The following WWC1 variants were observed in gnomAD, a reference collection of about 807,000 sequenced individuals.
The protein encoded by WWC1 is protein KIBRA.
Under a neutral mutation model 138.4 loss-of-function variants are expected in WWC1, and 55 were observed. The observed-to-expected ratio is 0.40, with a 90% CI of 0.32 to 0.50. WWC1 has a LOEUF of 0.50. Ranked by LOEUF, WWC1 falls within the 20% of genes least tolerant of loss-of-function variation. The pLI is 0.72. For synonymous variants in WWC1, 524 were observed against 564.9 expected, an observed-to-expected ratio of 0.93 and a Z score of 1.03; for missense variants, 1,226 against 1,420.4, an observed-to-expected ratio of 0.86 and a Z score of 2.20.
rs1195930830 is a variant in WWC1 at position 168,454,057 on chromosome 5, C to T, written c.2615C>T (p.Thr872Ile). 4.0e-5 allele frequency: 65 copies of T among 1,612,784 alleles called. No individual in the cohort carries two copies. Among genetic ancestry groups the T allele is most frequent in the Non-Finnish European group, 5.4e-5 (64 of 1,179,846 alleles). ...GAGGAGGGAGAAGAGGATGTTTTCA[C>T]CGAGAAAGCCTCACCTGATATGGAT... ...EEEEGEEDVF[T>I]EKASPDMDGY... Residue 872 changes from threonine to isoleucine, a missense_variant, in exon 18 of 23, where the codon ACC becomes ATC. Physicochemically the swap from Thr to Ile is moderately conservative, Grantham distance 89. Around this residue, in one of 3 missense-constraint regions of WWC1, gnomAD observed 1,016 missense variants for 1,153.9 expected, o/e 0.88. Coordinates refer to ENST00000265293, the MANE Select transcript of WWC1 (RefSeq NM_015238.3).
At position 168,452,849 on chromosome 5, in the gene WWC1, C is replaced by T. The variant is rs568566219; in HGVS notation, c.2526-1119C>T. ...CCGCCTCGTTCCAACGTTTGGAAGC[C>T]CTACCCTGGGTGCATTTAAAGGCAG... is the stretch of plus-strand genomic sequence containing the variant. On this transcript the variant is annotated intron_variant, in intron 17 of 22. Coordinates refer to ENST00000265293, the MANE Select transcript of WWC1 (RefSeq NM_015238.3). Among the ~76,000 whole-genome samples the T allele has an allele frequency of 4.6e-5, 7 of 152,206 alleles. No individual in the cohort carries two copies. The South Asian group carries it at 1.5e-3, about 32-fold the overall frequency.
rs540928932 is a variant in WWC1 at position 168,346,996 on chromosome 5, C to T, written c.120-24428C>T. On this transcript the variant is annotated intron_variant, in intron 1 of 22. Transcript: ENST00000265293. ...GAGCTGAGCAGGGGAGGAAATACAC[C>T]TGCAGCTGCTGTTTTCTGCAGGCAT... 1.2e-3 allele frequency among the ~76,000 whole-genome samples: 179 copies of T among 152,264 alleles called. 3 individuals carry two copies. Among genetic ancestry groups the T allele is most frequent in the Middle Eastern group, 3.4e-3 (1 of 294 alleles).
At chr5:168,345,456 T>C (rs775514186) in intron 1 of WWC1, among the ~76,000 whole-genome samples, 16 of 152,340 alleles carry the variant, frequency 1.1e-4, no homozygotes, top group Middle Eastern at 3.4e-3. Flanking sequence ...ATGGATTTTC[T>C]CCTTTTCAGT....
intron 1 of WWC1, among the ~76,000 whole-genome samples, chr5:168,336,286 C>A (rs935330504): frequency 2.0e-5 from 3 of 152,066 alleles, no homozygotes; most frequent in African/African-American, 7.2e-5. Context: ...AAAAACAATA[C>A]CCGGCCAGCC....
intron 3 of WWC1, among the ~76,000 whole-genome samples, chr5:168,395,371 T>C (rs930537451): frequency 6.6e-6 from 1 of 152,232 alleles, no homozygotes; most frequent in Non-Finnish European, 1.5e-5. Context: ...CACTGACGAC[T>C]CCTCTCTTCT....
chr5:168,453,947 CA>C lies in WWC1; in HGVS notation c.2526-18del, dbSNP rs1212391955. ...GCAGAGCGGCTTCTGGGTGGGTAACCAAAGTGCTTTGTCATCACAGGAGGTA... is the reference window on the plus strand; with the variant it reads ...GCAGAGCGGCTTCTGGGTGGGTAACCAAGTGCTTTGTCATCACAGGAGGTA... On this transcript the variant is annotated intron_variant, in intron 17 of 22. Coordinates refer to ENST00000265293, the MANE Select transcript of WWC1 (RefSeq NM_015238.3). The C allele has an allele frequency of 6.2e-7, 1 of 1,610,916 alleles. No homozygotes were observed.
rs1273531802 is a variant in WWC1 at position 168,409,998 on chromosome 5, A to G, written c.941+3A>G. 1.9e-6 allele frequency: 3 copies of G among 1,612,548 alleles called. No homozygotes were observed. Among genetic ancestry groups the G allele is most frequent in the Non-Finnish European group, 1.7e-6 (2 of 1,179,336 alleles). On this transcript the variant is annotated splice_donor_region_variant and intron_variant, in intron 8 of 22. Coordinates refer to ENST00000265293, the MANE Select transcript of WWC1 (RefSeq NM_015238.3). ...CGATATGAAGAGGCTAAGAGAAGGT[A>G]ATTGGGCTGGGGCTAGGGGCGGGAT...
intron 1 of WWC1, among the ~76,000 whole-genome samples, chr5:168,358,643 A>C (rs1405775942): frequency 6.6e-6 from 1 of 152,200 alleles, no homozygotes; most frequent in Non-Finnish European, 1.5e-5. Context: ...GGAGCTAATA[A>C]TACTGTGTAT....
chr5:168,407,846 T>C (rs1351867024), intron 6 of WWC1, among the ~76,000 whole-genome samples: 2 of 151,808 alleles, frequency 1.3e-5, no homozygotes, highest in Non-Finnish European at 2.9e-5. Flanking sequence ...CCCTGTGAGA[T>C]AGGACCTGCG....
Position 168,444,530 on chromosome 5 carries a change from G to A in WWC1, c.2470G>A (p.Glu824Lys). ...TGCTCTGTTGGAACAGACAGCAGTG[G>A]AGCTGGAGAAGAGGCAGGAGGGCAG... is the stretch of plus-strand genomic sequence containing the variant. ...VSALLEQTAV[E>K]LEKRQEGRSS... Residue 824 changes from glutamate (E) to lysine (K), a missense_variant, in exon 17 of 23, where the codon GAG becomes AAG. Coordinates refer to ENST00000265293, the MANE Select transcript of WWC1 (RefSeq NM_015238.3). 6.2e-7 allele frequency: 1 copy of A among 1,603,588 alleles called. No individual in the cohort carries two copies. The highest frequency in any genetic ancestry group is 1.1e-5 in the South Asian group (1 of 89,084).
chr5:168,444,432 T>C, intron 16 of WWC1, 62 bp from the exon 17 acceptor site: 1 of 1,489,780 alleles, frequency 6.7e-7, no homozygotes, highest in Non-Finnish European at 9.1e-7. Context: ...ATGCTCTGAT[T>C]CCTGGCAGGT....
chr5:168,300,087 G>A (rs996466319), intron 1 of WWC1, among the ~76,000 whole-genome samples: 8 of 152,126 alleles, frequency 5.3e-5, no homozygotes, highest in African/African-American at 9.7e-5. Flanking sequence ...AAAAACTCCC[G>A]TCTTGCCTCT....
chr5:168,369,037 T>C (rs1289071568), intron 1 of WWC1, among the ~76,000 whole-genome samples: 1 of 152,240 alleles, frequency 6.6e-6, no homozygotes, highest in Admixed American at 6.5e-5. Context: ...AATGAAGGTG[T>C]CAGCTTTCAA....
Position 168,406,285 on chromosome 5 carries a change from G to T in WWC1, c.678G>T (p.Lys226Asn), listed in dbSNP as rs1779784203. 5.0e-6 allele frequency: 8 copies of T among 1,614,094 alleles called. No individual in the cohort carries two copies. The highest frequency in any genetic ancestry group is 6.8e-6 in the Non-Finnish European group (8 of 1,179,958). The part of the protein sequence containing the change: ...AVLRETKAIK[K>N]AITCGEKEKQ... The stretch of plus-strand genomic sequence containing the variant: ...TGAGAGAAACAAAAGCCATCAAAAA[G>T]GCTATTACCTGTGGGGAAAAGGAAA... Residue 226 changes from lysine (K) to asparagine (N), a missense_variant, in exon 6 of 23, where the codon AAG becomes AAT. Transcript: ENST00000265293.
At chr5:168,467,743 G>T in intron 21 of WWC1, 97 bp from the exon 22 acceptor site, 1 of 1,537,896 alleles carries the variant, frequency 6.5e-7, no homozygotes, top group Non-Finnish European at 8.9e-7. Flanking sequence ...TGAGGGTGCC[G>T]TCCCTACAGT....
At chr5:168,414,234 A>G in intron 8 of WWC1, 114 bp from the exon 9 acceptor site, 1 of 1,441,558 alleles carries the variant, frequency 6.9e-7, no homozygotes, top group Non-Finnish European at 9.3e-7. Flanking sequence ...CAAGCTGATC[A>G]AAGGAAGACA....
Position 168,436,836 on chromosome 5 carries a change from C to G in WWC1, c.2281-4846C>G, listed in dbSNP as rs138006439. 5.3e-4 allele frequency among the ~76,000 whole-genome samples: 80 copies of G among 152,276 alleles called. No homozygotes were observed. The East Asian group carries it at 0.015, about 29-fold the overall frequency. ...ATGGCAGCCATCTCCTACTTGGTTT[C>G]CCGGCTTCTGTCCTTTTCCCCTTCC... On this transcript the variant is annotated intron_variant, in intron 15 of 22. Coordinates refer to ENST00000265293, the MANE Select transcript of WWC1 (RefSeq NM_015238.3).
At chr5:168,331,065 T>C (rs1420063822) in intron 1 of WWC1, among the ~76,000 whole-genome samples, 1 of 152,096 alleles carries the variant, frequency 6.6e-6, no homozygotes, top group Non-Finnish European at 1.5e-5. Context: ...CTTCCTCACT[T>C]CAGCCTTGTA....
intron 1 of WWC1, among the ~76,000 whole-genome samples, chr5:168,294,349 G>A (rs1448430432): frequency 6.6e-6 from 1 of 151,898 alleles, no homozygotes; most frequent in African/African-American, 2.4e-5. Context: ...AAAAATATGT[G>A]TACCATTTTC....
Sources: allele counts gnomAD v4.1 joint callset (sites outside exome capture counted in the v4.1 genomes callset), GRCh38; gene constraint gnomAD v4.1.1; regional missense constraint gnomAD v4.1.1; transcripts MANE v1.5; gene names NCBI Gene and HGNC (gene_info 2026-07-23, HGNC 2026-07-21).